HDAC9: variants seen among roughly 807,000 people sequenced by gnomAD.
HDAC9 encodes the protein histone deacetylase 9.
A neutral mutation model predicts 139.4 loss-of-function variants in HDAC9; 41 were observed. The ratio of observed to expected loss-of-function variants is 0.29; its 90% CI spans 0.23 to 0.38. HDAC9 has a LOEUF of 0.38. HDAC9 is among the 10% of genes least tolerant of loss of function. The pLI is 1.00. For synonymous variants in HDAC9, 517 were observed against 476.2 expected (o/e 1.09, Z -1.12); for missense variants, 1,147 against 1,297.0 (o/e 0.88, Z 1.78).
rs528141456 is a variant in HDAC9 at position 18,799,199 on chromosome 7, G to A, written c.2322+5747G>A. On this transcript the variant is annotated intron_variant, in intron 17 of 25. Coordinates refer to ENST00000686413, the MANE Select transcript of HDAC9 (RefSeq NM_178425.4). The stretch of plus-strand genomic sequence containing the variant: ...CTAAGCTAACAATGCAAAGACTTCA[G>A]TAGCATATAAAACATAGAACACAGA... Among the ~76,000 whole-genome samples, 15 of 152,146 alleles carry A rather than the reference G, an allele frequency of 9.9e-5. No individual in the cohort carries two copies. In the South Asian group the frequency reaches 2.9e-3, roughly 29 times the overall value.
intron 25 of HDAC9, among the ~76,000 whole-genome samples, chr7:18,993,964 A>G (rs1444113468): frequency 6.6e-6 from 1 of 152,238 alleles, no homozygotes; most frequent in African/African-American, 2.4e-5. Flanking sequence ...GAAGCATCTG[A>G]TGGAAAGCTT....
chr7:18,905,363 G>T (rs1274595614), intron 22 of HDAC9, among the ~76,000 whole-genome samples: 1 of 152,224 alleles, frequency 6.6e-6, no homozygotes, highest in Non-Finnish European at 1.5e-5. Flanking sequence ...TTAAGACAAT[G>T]TTGTCCCTCA....
At chr7:18,561,990 C>T (rs1195338738) in intron 2 of HDAC9, among the ~76,000 whole-genome samples, 1 of 152,162 alleles carries the variant, frequency 6.6e-6, no homozygotes, top group African/African-American at 2.4e-5. Context: ...TACTTGCCAA[C>T]ACTTCTTATA....
At chr7:18,471,898 G>C (rs887341122) in intron 1 of HDAC9, among the ~76,000 whole-genome samples, 1 of 151,958 alleles carries the variant, frequency 6.6e-6, no homozygotes, top group African/African-American at 2.4e-5. Flanking sequence ...TGTTGATTTT[G>C]GTGCCTTTAA....
intron 2 of HDAC9, among the ~76,000 whole-genome samples, chr7:18,220,799 G>A (rs191428572): frequency 1.1e-4 from 17 of 152,252 alleles, no homozygotes; most frequent in African/African-American, 3.9e-4. Flanking sequence ...TAGCTCAGAT[G>A]TGGGATGCAC....
intron 17 of HDAC9, among the ~76,000 whole-genome samples, chr7:18,809,269 A>G (rs1447054753): frequency 1.3e-5 from 2 of 152,032 alleles, no homozygotes; most frequent in African/African-American, 4.8e-5. Flanking sequence ...CCTCCTTAAC[A>G]GGGTCTTGGC....
At chr7:18,850,844 C>A (rs1797234683) in intron 21 of HDAC9, among the ~76,000 whole-genome samples, 1 of 152,120 alleles carries the variant, frequency 6.6e-6, no homozygotes, top group African/African-American at 2.4e-5. Flanking sequence ...TCATAGATGG[C>A]ACCTTCTAGC....
chr7:18,266,730 T>C (rs1393619459), intron 2 of HDAC9, among the ~76,000 whole-genome samples: 1 of 152,202 alleles, frequency 6.6e-6, no homozygotes, highest in Non-Finnish European at 1.5e-5. Flanking sequence ...TGATTGTTGA[T>C]AATTGACAGC....
chr7:18,441,877 C>T (rs1791801269), intron 1 of HDAC9, among the ~76,000 whole-genome samples: 1 of 152,146 alleles, frequency 6.6e-6, no homozygotes, highest in Non-Finnish European at 1.5e-5. Context: ...ACGCCATTCT[C>T]CTGCCTCAGC....
chr7:18,931,259 CT>C (rs1804717303), intron 22 of HDAC9, among the ~76,000 whole-genome samples: 2 of 152,040 alleles, frequency 1.3e-5, no homozygotes, highest in South Asian at 2.1e-4. Context: ...TTTTGCGTTA[CT>C]TCTTTTCTGA....
intron 22 of HDAC9, among the ~76,000 whole-genome samples, chr7:18,910,138 G>A (rs1802616756): frequency 6.6e-6 from 1 of 151,926 alleles, no homozygotes; most frequent in Admixed American, 6.6e-5. Context: ...TTAATCTGTA[G>A]ATTGCTTTGG....
intron 25 of HDAC9, among the ~76,000 whole-genome samples, chr7:18,989,508 T>G (rs2129348347): frequency 6.6e-6 from 1 of 150,406 alleles, no homozygotes; most frequent in East Asian, 2.0e-4. Flanking sequence ...ATTTCAACTT[T>G]GGTGAATCTG....
chr7:18,776,657 G>T (rs993162414), intron 16 of HDAC9, among the ~76,000 whole-genome samples: 2 of 152,034 alleles, frequency 1.3e-5, no homozygotes, highest in Admixed American at 6.6e-5. Flanking sequence ...GTCTTGTAGT[G>T]TTGGGGCAGA....
chr7:18,233,304 T>C (rs925364474), intron 2 of HDAC9, among the ~76,000 whole-genome samples: 7 of 152,078 alleles, frequency 4.6e-5, no homozygotes, highest in Non-Finnish European at 1.0e-4. Flanking sequence ...CTCATTATTT[T>C]TCATTTTTGA....
At chr7:18,616,249 A>T (rs555630784) in intron 6 of HDAC9, among the ~76,000 whole-genome samples, 1 of 151,912 alleles carries the variant, frequency 6.6e-6, no homozygotes, top group Non-Finnish European at 1.5e-5. Context: ...ATTCTGGGGA[A>T]TAGAACATGG....
At chr7:18,521,329 G>A (rs981871493) in intron 2 of HDAC9, among the ~76,000 whole-genome samples, 2 of 152,080 alleles carry the variant, frequency 1.3e-5, no homozygotes, top group African/African-American at 4.8e-5. Flanking sequence ...TTTTATGTTG[G>A]ATCCTATCTA....
At chr7:18,628,101 C>T (rs1275462732) in intron 6 of HDAC9, among the ~76,000 whole-genome samples, 1 of 152,120 alleles carries the variant, frequency 6.6e-6, no homozygotes, top group Non-Finnish European at 1.5e-5. Context: ...TAAAATCTGG[C>T]TACATTATAA....
At chr7:18,560,284 A>AG (rs1176366114) in intron 2 of HDAC9, among the ~76,000 whole-genome samples, 1 of 152,210 alleles carries the variant, frequency 6.6e-6, no homozygotes, top group South Asian at 2.1e-4. Flanking sequence ...ATAATACTAA[A>AG]GACCTCTAGG....
chr7:18,483,173 G>T (rs1292897835), intron 1 of HDAC9, among the ~76,000 whole-genome samples: 1 of 152,136 alleles, frequency 6.6e-6, no homozygotes, highest in East Asian at 1.9e-4. Context: ...TTAAGTTGGG[G>T]CAAGAAAGTC....
Sources: gnomAD v4.1 joint callset for allele counts (sites outside exome capture counted in the v4.1 genomes callset) on GRCh38, gnomAD v4.1.1 for gene constraint, MANE v1.5 for transcripts, NCBI Gene and HGNC (gene_info 2026-07-23, HGNC 2026-07-21) for gene names.